PTPRT: variants seen among roughly 807,000 people sequenced by gnomAD.
PTPRT encodes the protein receptor-type tyrosine-protein phosphatase T.
In PTPRT, 56 loss-of-function variants were observed where a neutral mutation model predicts 176.8. That is an observed-to-expected ratio of 0.32 (90% confidence interval 0.26 to 0.40). PTPRT has a LOEUF of 0.40. Ranked by LOEUF, PTPRT falls within the 10% of genes least tolerant of loss-of-function variation. The pLI, the probability that PTPRT is intolerant of heterozygous loss-of-function variation, is 1.00. For synonymous variants in PTPRT, 783 were observed against 739.0 expected, an observed-to-expected ratio of 1.06 and a Z score of -0.96; for missense variants, 1,540 against 1,908.2, an observed-to-expected ratio of 0.81 and a Z score of 3.60.
At chr20:42,818,046 C>G (rs2077820563) in intron 2 of PTPRT, among the ~76,000 whole-genome samples, 1 of 152,154 alleles carries the variant, frequency 6.6e-6, no homozygotes, top group Non-Finnish European at 1.5e-5. Flanking sequence ...GGGTCCTGAT[C>G]CCCGTGCCAC....
chr20:42,761,289 C>G (rs2076911957), intron 5 of PTPRT, among the ~76,000 whole-genome samples: 1 of 152,032 alleles, frequency 6.6e-6, no homozygotes, highest in South Asian at 2.1e-4. Context: ...ACAAAATTAG[C>G]CGGGCATGGT....
chr20:42,713,782 G>A (rs2076182117), intron 6 of PTPRT, among the ~76,000 whole-genome samples: 1 of 152,074 alleles, frequency 6.6e-6, no homozygotes, highest in Admixed American at 6.6e-5. Context: ...TATAGTGAGT[G>A]AGTTCTCTTA....
At position 43,094,596 on chromosome 20, in the gene PTPRT, C is replaced by T. The variant is rs553209662; in HGVS notation, c.88+95050G>A. Among the ~76,000 whole-genome samples, 7 of 151,760 alleles carry T rather than the reference C, an allele frequency of 4.6e-5. No homozygotes were observed. In the South Asian group the frequency reaches 1.5e-3, roughly 32 times the overall value. ...TATTTTTAGCAGAGATGAGGTTTCT[C>T]CATGTTGGTCAGGCTGGTCTCAAAC... On this transcript the variant is annotated intron_variant, in intron 1 of 30. Coordinates refer to ENST00000373187, the MANE Select transcript of PTPRT (RefSeq NM_007050.6).
chr20:42,519,771 G>T (rs2072137131), intron 7 of PTPRT, among the ~76,000 whole-genome samples: 1 of 151,958 alleles, frequency 6.6e-6, no homozygotes, highest in African/African-American at 2.4e-5. Context: ...ATTTTTTAAA[G>T]ATTTTATTAA....
chr20:42,354,590 TGTGCTGCTGGAGAG>T (rs1362148387), intron 9 of PTPRT, among the ~76,000 whole-genome samples: 1 of 152,212 alleles, frequency 6.6e-6, no homozygotes, highest in East Asian at 1.9e-4. Context: ...CCCTGCACTG[TGTGCTGCTGGAGAG>T]GTGCCCAACT....
At chr20:42,965,510 A>C (rs1982241129) in intron 1 of PTPRT, among the ~76,000 whole-genome samples, 2 of 152,204 alleles carry the variant, frequency 1.3e-5, no homozygotes. Flanking sequence ...TCTATAACTT[A>C]AGTTTAAGAA....
rs3092082 is a variant in PTPRT, at chr20:42,698,852, CATGAATGA to C, written c.860-20701_860-20694del. ...CATCAGAGGCAACAATGAATGCATA[CATGAATGA>C]ATGAATGAATGAATGAATGAACGAA... On this transcript the variant is annotated intron_variant, in intron 6 of 30. Coordinates refer to ENST00000373187, the MANE Select transcript of PTPRT (RefSeq NM_007050.6). 9.5e-4 allele frequency among the ~76,000 whole-genome samples: 144 copies of C among 151,536 alleles called. 2 individuals are homozygous for C. Among genetic ancestry groups the C allele is most frequent in the African/African-American group, 2.9e-3 (118 of 41,152 alleles).
intron 1 of PTPRT, among the ~76,000 whole-genome samples, chr20:43,013,825 C>A (rs1242638554): frequency 6.6e-6 from 1 of 152,214 alleles, no homozygotes; most frequent in Non-Finnish European, 1.5e-5. Flanking sequence ...GGGCTCCAGG[C>A]AGACAGAACT....
chr20:42,507,553 A>T (rs906468372), intron 7 of PTPRT, among the ~76,000 whole-genome samples: 1 of 152,196 alleles, frequency 6.6e-6, no homozygotes. Context: ...ATGTAAAAAC[A>T]GGACAGTGAT....
At chr20:42,787,891 GCCTA>G (rs2077314929) in intron 3 of PTPRT, among the ~76,000 whole-genome samples, 1 of 152,152 alleles carries the variant, frequency 6.6e-6, no homozygotes, top group African/African-American at 2.4e-5. Context: ...CTGCCTCAGA[GCCTA>G]CCAGGGTTGT....
intron 1 of PTPRT, among the ~76,000 whole-genome samples, chr20:42,910,204 G>T (rs2079527331): frequency 6.6e-6 from 1 of 152,138 alleles, no homozygotes; most frequent in African/African-American, 2.4e-5. Flanking sequence ...AAACTGTTTT[G>T]ATTCGGATTC....
At chr20:42,846,120 A>T (rs918162900) in intron 2 of PTPRT, among the ~76,000 whole-genome samples, 6 of 152,114 alleles carry the variant, frequency 3.9e-5, no homozygotes, top group African/African-American at 1.4e-4. Context: ...GGATGCCCTC[A>T]CTTGCTGCCT....
At chr20:42,542,615 C>G (rs958085208) in intron 7 of PTPRT, among the ~76,000 whole-genome samples, 4 of 152,146 alleles carry the variant, frequency 2.6e-5, no homozygotes, top group Admixed American at 2.0e-4. Flanking sequence ...TTGAACAAAT[C>G]TATGGAAATT....
At chr20:42,466,463 C>T (rs1459546553) in intron 8 of PTPRT, among the ~76,000 whole-genome samples, 4 of 152,158 alleles carry the variant, frequency 2.6e-5, no homozygotes, top group South Asian at 4.1e-4. Flanking sequence ...ATTCTCACTG[C>T]ATACCCTCAG....
Position 42,106,957 on chromosome 20 carries a change from A to G in PTPRT, c.3255-36T>C, listed in dbSNP as rs1165977135. 5 of 1,604,580 alleles carry G rather than the reference A, an allele frequency of 3.1e-6. No individual in the cohort carries two copies. In the South Asian group the frequency reaches 4.5e-5, roughly 14 times the overall value. On this transcript the variant is annotated intron_variant, in intron 23 of 30. Coordinates refer to ENST00000373187, the MANE Select transcript of PTPRT (RefSeq NM_007050.6). ...GGTATGGTCTGTGTTAAGGATCTTC[A>G]TGGGGGGAACCTGCCCTGGGGAGGC...
At chr20:42,609,345 A>T (rs1053749418) in intron 7 of PTPRT, among the ~76,000 whole-genome samples, 3 of 152,134 alleles carry the variant, frequency 2.0e-5, no homozygotes, top group African/African-American at 4.8e-5. Flanking sequence ...AAGTGCTGGG[A>T]TTGCAGACTT....
intron 1 of PTPRT, among the ~76,000 whole-genome samples, chr20:42,960,235 T>A (rs916161137): frequency 1.3e-5 from 2 of 152,210 alleles, no homozygotes; most frequent in Non-Finnish European, 2.9e-5. Context: ...AATTTATCAA[T>A]TGTAGACGTT....
chr20:43,186,358 A>G (rs1279792406), intron 1 of PTPRT, among the ~76,000 whole-genome samples: 1 of 151,088 alleles, frequency 6.6e-6, no homozygotes, highest in African/African-American at 2.4e-5. Context: ...TCGCCCCCCC[A>G]TTATAGCTGC....
intron 9 of PTPRT, among the ~76,000 whole-genome samples, chr20:42,405,683 T>A (rs1490318079): frequency 6.6e-6 from 1 of 152,186 alleles, no homozygotes; most frequent in Non-Finnish European, 1.5e-5. Flanking sequence ...AGCAGCATGA[T>A]TTATAATCCT....
Sources: allele counts gnomAD v4.1 joint callset (sites outside exome capture counted in the v4.1 genomes callset), GRCh38; gene constraint gnomAD v4.1.1; transcripts MANE v1.5; gene names NCBI Gene and HGNC (gene_info 2026-07-23, HGNC 2026-07-21).